The following ASTN2 variants were observed in gnomAD, a reference collection of about 807,000 sequenced individuals.
The protein encoded by ASTN2 is astrotactin 2.
A neutral mutation model predicts 139.8 loss-of-function variants in ASTN2; 54 were observed. That is an observed-to-expected ratio of 0.39 (90% CI 0.31 to 0.48). ASTN2 has a LOEUF of 0.48. Ranked by LOEUF, ASTN2 falls within the 20% of genes least tolerant of loss-of-function variation. The pLI, the probability that ASTN2 is intolerant of heterozygous loss-of-function variation, is 0.95. For missense variants in ASTN2, 1,565 were observed against 1,725.1 expected (o/e 0.91, Z 1.64); for synonymous variants, 756 against 719.5 (o/e 1.05, Z -0.81).
chr9:116,625,170 C>G (rs1487281712), intron 17 of ASTN2, among the ~76,000 whole-genome samples: 1 of 152,114 alleles, frequency 6.6e-6, no homozygotes, highest in Non-Finnish European at 1.5e-5. Context: ...GTGGCTCACA[C>G]CTGTAATCCC....
chr9:117,149,723 AG>A (rs1368342684), intron 3 of ASTN2, among the ~76,000 whole-genome samples: 30 of 152,348 alleles, frequency 2.0e-4, no homozygotes, highest in Middle Eastern at 3.4e-3. Context: ...ATACTAAGAA[AG>A]AAAACAACAA....
intron 1 of ASTN2, among the ~76,000 whole-genome samples, chr9:117,297,379 A>G (rs927521981): frequency 1.3e-5 from 2 of 152,228 alleles, no homozygotes; most frequent in Non-Finnish European, 2.9e-5. Flanking sequence ...TCACACATCA[A>G]GTCTTGCTGA....
chr9:116,884,803 G>GCC (rs759933298), intron 10 of ASTN2, among the ~76,000 whole-genome samples: 3,424 of 68,676 alleles, frequency 0.05, 117 homozygotes, highest in East Asian at 0.074. Context: ...CCAAATATCC[G>GCC]CCCCCCCCCC....
chr9:117,073,789 C>T (rs1240417949), intron 5 of ASTN2, among the ~76,000 whole-genome samples: 1 of 152,130 alleles, frequency 6.6e-6, no homozygotes, highest in East Asian at 1.9e-4. Context: ...GTTACAAACA[C>T]CTCAGCAAAG....
chr9:116,756,405 A>G (rs1413167243), intron 13 of ASTN2, among the ~76,000 whole-genome samples: 1 of 152,184 alleles, frequency 6.6e-6, no homozygotes, highest in East Asian at 1.9e-4. Flanking sequence ...GACAATTTTA[A>G]ATGATATAAG....
chr9:116,618,318 A>T lies in ASTN2; in HGVS notation c.3355+6T>A. ...ATCCCAAGAAAATGGGAACTCATGT[A>T]CCTACCTGTGTACAGGTCAGTGTCT... On this transcript the variant is annotated splice_donor_region_variant and intron_variant, in intron 19 of 22. Transcript: ENST00000313400. 1 of 1,611,960 alleles carries T rather than the reference A, an allele frequency of 6.2e-7. No individual in the cohort carries two copies.
At chr9:117,335,600 C>T (rs940576626) in intron 1 of ASTN2, among the ~76,000 whole-genome samples, 2 of 152,258 alleles carry the variant, frequency 1.3e-5, no homozygotes, top group Admixed American at 1.3e-4. Flanking sequence ...TAACTTCATT[C>T]TTACTTATAT....
chr9:116,747,494 T>C (rs1322905893), intron 13 of ASTN2, among the ~76,000 whole-genome samples: 1 of 152,180 alleles, frequency 6.6e-6, no homozygotes, highest in Admixed American at 6.5e-5. Context: ...CTCAACAACC[T>C]TGTGAGTTAG....
At chr9:117,166,327 C>G (rs139441815) in intron 3 of ASTN2, among the ~76,000 whole-genome samples, 278 of 152,232 alleles carry the variant, frequency 1.8e-3, no homozygotes, top group African/African-American at 6.3e-3. Flanking sequence ...CTCTCCTCTT[C>G]AGTCTCATCC....
chr9:116,908,697 C>T (rs192975000), intron 10 of ASTN2, among the ~76,000 whole-genome samples: 1 of 152,304 alleles, frequency 6.6e-6, no homozygotes, highest in East Asian at 1.9e-4. Context: ...TTTGACACTT[C>T]CTTTTCATTG....
rs1425223975 is a variant in ASTN2, at chr9:116,956,829, T to G, written c.1889+18379A>C. ...ATTGGAAAACCAATTTCATTTACTGTAGCACCAAAAAGAATGAAATACTTA... is the reference window on the plus strand; with the variant it reads ...ATTGGAAAACCAATTTCATTTACTGGAGCACCAAAAAGAATGAAATACTTA... On this transcript the variant is annotated intron_variant, in intron 10 of 22. Transcript: ENST00000313400. 2.0e-5 allele frequency among the ~76,000 whole-genome samples: 3 copies of G among 152,152 alleles called. No individual in the cohort carries two copies. The East Asian group carries it at 5.8e-4, about 29-fold the overall frequency.
At chr9:117,170,652 T>C (rs1830770874) in intron 3 of ASTN2, among the ~76,000 whole-genome samples, 1 of 152,084 alleles carries the variant, frequency 6.6e-6, no homozygotes, top group African/African-American at 2.4e-5. Flanking sequence ...AAGTAACATG[T>C]ATGCAGAGAC....
chr9:117,256,803 A>G (rs185299142), intron 2 of ASTN2, among the ~76,000 whole-genome samples: 16 of 152,346 alleles, frequency 1.1e-4, no homozygotes, highest in East Asian at 7.7e-4. Flanking sequence ...TTCATTCAAC[A>G]GCATATTTGA....
intron 19 of ASTN2, among the ~76,000 whole-genome samples, chr9:116,572,424 C>T (rs1383186722): frequency 1.3e-5 from 2 of 152,232 alleles, no homozygotes; most frequent in African/African-American, 4.8e-5. Context: ...CTGAGACTTC[C>T]AGCCTTCTTA....
At position 116,890,480 on chromosome 9, in the gene ASTN2, G is replaced by A. The variant is rs1833736190; in HGVS notation, c.1890-26747C>T. On this transcript the variant is annotated intron_variant, in intron 10 of 22. Transcript: ENST00000313400. The stretch of plus-strand genomic sequence containing the variant: ...ACCATTGTAGATATCTCAGGTCCAT[G>A]CACAAAACCCAAGTGAATTTCATTC... 2.0e-5 allele frequency among the ~76,000 whole-genome samples: 3 copies of A among 152,146 alleles called. No homozygotes were observed. The South Asian group carries it at 6.2e-4, about 32-fold the overall frequency.
chr9:117,363,745 G>A (rs960514652), intron 1 of ASTN2, among the ~76,000 whole-genome samples: 2 of 152,168 alleles, frequency 1.3e-5, no homozygotes, highest in Non-Finnish European at 2.9e-5. Flanking sequence ...TGTTATCAGT[G>A]CCCAGGACAT....
At chr9:117,039,529 T>A (rs773387400) in intron 6 of ASTN2, among the ~76,000 whole-genome samples, 2 of 151,958 alleles carry the variant, frequency 1.3e-5, no homozygotes, top group Non-Finnish European at 2.9e-5. Context: ...CAAACCACCA[T>A]GGCACATGTA....
chr9:116,712,137 T>C (rs1387065881), intron 16 of ASTN2, among the ~76,000 whole-genome samples: 3 of 152,196 alleles, frequency 2.0e-5, no homozygotes, highest in Non-Finnish European at 2.9e-5. Flanking sequence ...TCTAGAGCTT[T>C]GCTCCATCCA....
At chr9:117,246,112 TAA>T (rs1006609837) in intron 2 of ASTN2, among the ~76,000 whole-genome samples, 2 of 151,160 alleles carry the variant, frequency 1.3e-5, no homozygotes, top group Non-Finnish European at 2.9e-5. Flanking sequence ...TTCACTGAAC[TAA>T]GAGGCAAAAG....
Sources: gnomAD v4.1 joint callset for allele counts (sites outside exome capture counted in the v4.1 genomes callset) on GRCh38, gnomAD v4.1.1 for gene constraint, MANE v1.5 for transcripts, NCBI Gene and HGNC (gene_info 2026-07-23, HGNC 2026-07-21) for gene names.